ANO1: variants seen among roughly 807,000 people sequenced by gnomAD.
ANO1 encodes anoctamin-1.
Under a neutral mutation model 124.0 loss-of-function variants are expected in ANO1, and 59 were observed. That is an observed-to-expected ratio of 0.48 (90% CI 0.39 to 0.59). The LOEUF (loss-of-function observed/expected upper bound fraction) is 0.59, where lower values mean the gene tolerates loss of function less well. ANO1 is among the 20% of genes least tolerant of loss of function. The pLI, the probability that ANO1 is intolerant of heterozygous loss-of-function variation, is 0.00. For synonymous variants in ANO1, 529 were observed against 532.0 expected, an observed-to-expected ratio of 0.99 and a Z score of 0.08; for missense variants, 1,059 against 1,328.0, an observed-to-expected ratio of 0.80 and a Z score of 3.15.
intron 22 of ANO1, among the ~76,000 whole-genome samples, chr11:70,171,658 T>C (rs1323936981): frequency 5.9e-5 from 9 of 152,132 alleles, no homozygotes; most frequent in African/African-American, 2.2e-4. Context: ...AGAATGTATA[T>C]TTAAGGTCAG....
At chr11:70,007,032 A>G (rs1555000197) in intron 1 of ANO1, among the ~76,000 whole-genome samples, 1 of 152,140 alleles carries the variant, frequency 6.6e-6, no homozygotes, top group Non-Finnish European at 1.5e-5. Context: ...GCTGTGCATT[A>G]ACTGTATGCA....
chr11:70,014,001 C>CAG (rs59053874), intron 1 of ANO1, among the ~76,000 whole-genome samples: 64,309 of 140,654 alleles, frequency 0.46, 14,082 homozygotes, highest in East Asian at 0.59. Context: ...TGTGCACGGA[C>CAG]AGAGAGAGAG....
chr11:69,988,638 G>T lies in ANO1; in HGVS notation c.58+2472G>T, dbSNP rs1172879167. ...AAGCCCACTCTCCCAGGGAGCAATTGATTGGTACAGATGCCCCCTCCCATT... is the reference window on the plus strand; with the variant it reads ...AAGCCCACTCTCCCAGGGAGCAATTTATTGGTACAGATGCCCCCTCCCATT... On this transcript the variant is annotated intron_variant, in intron 1 of 27. Coordinates refer to the ANO1 transcript ENST00000531349. Among the ~76,000 whole-genome samples the T allele has an allele frequency of 2.6e-5, 4 of 152,316 alleles. No homozygotes were observed. The East Asian group carries it at 7.7e-4, about 29-fold the overall frequency.
rs534880749 is a variant in ANO1 at position 70,022,889 on chromosome 11, G to T, written c.58+36723G>T. 2.1e-4 allele frequency among the ~76,000 whole-genome samples: 32 copies of T among 152,300 alleles called. No homozygotes were observed. In the East Asian group the frequency reaches 5.2e-3, roughly 25 times the overall value. Reference sequence around the variant, plus strand: ...CTGGTGGGCCCAACATCATCACAGGGAGCTTATAAGTAAGAGGAGGCAGGG... The same window carrying T: ...CTGGTGGGCCCAACATCATCACAGGTAGCTTATAAGTAAGAGGAGGCAGGG... On this transcript the variant is annotated intron_variant, in intron 1 of 27. Transcript: ENST00000531349.
intron 2 of ANO1, among the ~76,000 whole-genome samples, chr11:70,099,222 C>T (rs148541254): frequency 6.6e-6 from 1 of 152,310 alleles, no homozygotes; most frequent in East Asian, 1.9e-4. Context: ...GCTGTCACTC[C>T]CAGTGTCTTC....
At chr11:69,992,501 A>G (rs1234823507) in intron 1 of ANO1, among the ~76,000 whole-genome samples, 2 of 152,256 alleles carry the variant, frequency 1.3e-5, no homozygotes, top group East Asian at 3.9e-4. Flanking sequence ...CTCTTGGTGA[A>G]TCCATCAGGA....
chr11:70,007,274 T>TTTC lies in ANO1; in HGVS notation c.58+21110_58+21111insCTT, dbSNP rs527682492. Among the ~76,000 whole-genome samples, 126 of 65,838 alleles carry TTTC rather than the reference T, an allele frequency of 1.9e-3. 1 individual carries two copies. Among genetic ancestry groups the TTTC allele is most frequent in the Middle Eastern group, 0.016 (2 of 122 alleles). 43.2% of individuals were successfully genotyped at this position (65,838 alleles called of 152,430 possible). On this transcript the variant is annotated intron_variant, in intron 1 of 27. Transcript: ENST00000531349. The stretch of plus-strand genomic sequence containing the variant: ...CATATTGCAGAACCTCCTTTCTTTC[T>TTTC]TTTTTTTTTTTTTTTTTCTTGAGAC...
In ANO1 at chr11:70,187,878, G is replaced by A. The variant is rs748678916; in HGVS notation, c.2835G>A (p.Leu945=). 33 of 1,604,872 alleles carry A rather than the reference G, an allele frequency of 2.1e-5. No individual in the cohort carries two copies. Among genetic ancestry groups the A allele is most frequent in the African/African-American group, 2.7e-5 (2 of 74,846 alleles). ...MREEQDKQQL[L]ETWMEKERQK... ...AGGAGCAAGACAAGCAGCAGCTGCT[G>A]GAAACCTGGATGGAGAAGGAGCGGC... The change falls in exon 26 of 26, where the codon CTG becomes CTA. Residue 945 remains leucine (L), a synonymous_variant. Transcript: ENST00000355303.
intron 1 of ANO1, among the ~76,000 whole-genome samples, chr11:70,007,358 G>T (rs1856512324): frequency 6.7e-6 from 1 of 149,566 alleles, no homozygotes; most frequent in Non-Finnish European, 1.5e-5. Flanking sequence ...CTCACGGCAA[G>T]CTCCGCCTCC....
chr11:70,097,943 G>C (rs1213674484), intron 2 of ANO1, among the ~76,000 whole-genome samples: 1 of 152,204 alleles, frequency 6.6e-6, no homozygotes, highest in East Asian at 1.9e-4. Context: ...AACGGGGAGA[G>C]ACAGGCAGAT....
chr11:70,136,759 G>A lies in ANO1; in HGVS notation c.1258+4680G>A, dbSNP rs868445023. ...TGTGAGGGACAGGTCTTGCTTTCCC[G>A]GGATTCCAGTCACAGGTGGGGACAG... On this transcript the variant is annotated intron_variant, in intron 11 of 25. Coordinates refer to ENST00000355303, the MANE Select transcript of ANO1 (RefSeq NM_018043.7). Among the ~76,000 whole-genome samples the A allele has an allele frequency of 5.4e-5, 8 of 148,066 alleles. No homozygotes were observed. In the Middle Eastern group the frequency reaches 0.01, roughly 190 times the overall value.
At chr11:70,125,932 C>T in intron 9 of ANO1, 129 bp from the exon 10 acceptor site, 1 of 1,203,356 alleles carries the variant, frequency 8.3e-7, no homozygotes, top group Non-Finnish European at 1.2e-6. Flanking sequence ...GGACCCCACT[C>T]TCTGCTTCTG....
intron 1 of ANO1, among the ~76,000 whole-genome samples, chr11:70,059,700 A>T (rs1857528431): frequency 1.3e-5 from 2 of 152,098 alleles, no homozygotes; most frequent in African/African-American, 4.8e-5. Flanking sequence ...CCATGAAGGG[A>T]AGGAGGAGGT....
intron 1 of ANO1, among the ~76,000 whole-genome samples, chr11:70,084,532 C>A (rs2044300953): frequency 6.6e-6 from 1 of 152,156 alleles, no homozygotes; most frequent in South Asian, 2.1e-4. Context: ...TAGCAGAAAC[C>A]AACCCTGGGG....
At position 70,047,298 on chromosome 11, in the gene ANO1, G is replaced by A. The variant is rs1022211903; in HGVS notation, c.59-31244G>A. ...AAAATTGGGTGTTGGGTATGAAGAA[G>A]CTCTCTACTATCATCTTATTTTTCT... On this transcript the variant is annotated intron_variant, in intron 1 of 27. Transcript: ENST00000531349. 3.3e-5 allele frequency among the ~76,000 whole-genome samples: 5 copies of A among 152,152 alleles called. No individual in the cohort carries two copies. In the South Asian group the frequency reaches 1.0e-3, roughly 32 times the overall value.
intron 1 of ANO1, among the ~76,000 whole-genome samples, chr11:70,083,656 G>A (rs1352658748): frequency 6.6e-6 from 1 of 152,100 alleles, no homozygotes; most frequent in African/African-American, 2.4e-5. Context: ...GATCCCTGTG[G>A]AATTTCCTCC....
At chr11:70,045,703 C>T (rs76048602) in intron 1 of ANO1, among the ~76,000 whole-genome samples, 13,023 of 152,086 alleles carry the variant, frequency 0.086, 828 homozygotes, top group African/African-American at 0.15. Flanking sequence ...TTCCAAGGCT[C>T]TCTTCCCACA....
At chr11:70,056,961 G>A (rs11232056) in intron 1 of ANO1, among the ~76,000 whole-genome samples, 33,668 of 151,180 alleles carry the variant, frequency 0.22, 4,435 homozygotes, top group East Asian at 0.5. Flanking sequence ...TTTGGCTTTG[G>A]AATTCCCATG....
chr11:70,041,258 G>A (rs141201526), intron 1 of ANO1, among the ~76,000 whole-genome samples: 1 of 152,268 alleles, frequency 6.6e-6, no homozygotes, highest in African/African-American at 2.4e-5. Context: ...AACAGGAGAG[G>A]GCAAGTAAAT....
Sources: gnomAD v4.1 joint callset for allele counts (sites outside exome capture counted in the v4.1 genomes callset) on GRCh38, gnomAD v4.1.1 for gene constraint, MANE v1.5 for transcripts, NCBI Gene and HGNC (gene_info 2026-07-23, HGNC 2026-07-21) for gene names.